Variants in PPP2R2C observed in about 807,000 individuals in gnomAD.
PPP2R2C encodes protein phosphatase 2 regulatory subunit Bgamma.
In PPP2R2C, 10 loss-of-function variants were observed where a neutral mutation model predicts 45.3. That is an observed-to-expected ratio of 0.22 (90% CI 0.14 to 0.37). The LOEUF (loss-of-function observed/expected upper bound fraction) is 0.37. PPP2R2C is among the 10% of genes least tolerant of loss of function. The pLI, the probability that PPP2R2C is intolerant of heterozygous loss-of-function variation, is 1.00. For missense variants in PPP2R2C, 308 were observed against 619.7 expected (o/e 0.50, Z 5.34); for synonymous variants, 257 against 245.4 (o/e 1.05, Z -0.44).
intron 5 of PPP2R2C, among the ~76,000 whole-genome samples, chr4:6,366,460 C>G (rs777898928): frequency 3.3e-5 from 5 of 152,200 alleles, no homozygotes; most frequent in Admixed American, 2.6e-4. Flanking sequence ...TCGCCAAGTC[C>G]TATGTGGAGC....
At chr4:6,420,883 T>C (rs1416559626) in intron 1 of PPP2R2C, 2 of 950,738 alleles carry the variant, frequency 2.1e-6, no homozygotes, top group East Asian at 1.1e-4. Flanking sequence ...TGGATGTTAC[T>C]GATGGGATGT....
intron 1 of PPP2R2C, chr4:6,383,557 T>C: frequency 1.5e-6 from 1 of 665,380 alleles, no homozygotes; most frequent in Non-Finnish European, 2.2e-6. Context: ...GCATGGCTCC[T>C]TCCTATTCTT....
intron 1 of PPP2R2C, among the ~76,000 whole-genome samples, chr4:6,408,509 C>T (rs1434508653): frequency 2.6e-5 from 4 of 152,126 alleles, no homozygotes; most frequent in Non-Finnish European, 4.4e-5. Context: ...CCTGGGCCAT[C>T]GTGAGCAGTA....
chr4:6,395,727 C>T (rs754282730), intron 1 of PPP2R2C, among the ~76,000 whole-genome samples: 3 of 152,214 alleles, frequency 2.0e-5, no homozygotes, highest in Non-Finnish European at 4.4e-5. Flanking sequence ...GCTGGCAGCT[C>T]AGCCTCCAGA....
intron 1 of PPP2R2C, among the ~76,000 whole-genome samples, chr4:6,437,932 T>C (rs1196302739): frequency 1.3e-5 from 2 of 152,206 alleles, no homozygotes; most frequent in Non-Finnish European, 1.5e-5. Flanking sequence ...GATAGAAATA[T>C]ATTAGCTTGT....
At chr4:6,472,027 G>A (rs1721922361) in intron 1 of PPP2R2C, 133 bp downstream of exon 1, 2 of 1,124,996 alleles carry the variant, frequency 1.8e-6, no homozygotes, top group Non-Finnish European at 2.5e-6. Flanking sequence ...GGGTGGGGTG[G>A]GATGGGGTGG....
At chr4:6,426,007 T>C (rs1340903776) in intron 1 of PPP2R2C, among the ~76,000 whole-genome samples, 1 of 152,154 alleles carries the variant, frequency 6.6e-6, no homozygotes, top group East Asian at 1.9e-4. Flanking sequence ...AGCCTGTTCC[T>C]GGGTACAGGC....
At chr4:6,436,192 A>G (rs920689358) in intron 1 of PPP2R2C, among the ~76,000 whole-genome samples, 4 of 152,232 alleles carry the variant, frequency 2.6e-5, no homozygotes, top group Non-Finnish European at 4.4e-5. Context: ...TGTGAGAGAT[A>G]AAAGTATGCT....
chr4:6,448,406 T>C (rs1720546333), intron 1 of PPP2R2C, among the ~76,000 whole-genome samples: 1 of 152,078 alleles, frequency 6.6e-6, no homozygotes, highest in Non-Finnish European at 1.5e-5. Context: ...ACACTTGTCC[T>C]CAGCCCACTT....
At chr4:6,469,924 C>G (rs1488914325) in intron 1 of PPP2R2C, among the ~76,000 whole-genome samples, 1 of 152,242 alleles carries the variant, frequency 6.6e-6, no homozygotes, top group Non-Finnish European at 1.5e-5. Flanking sequence ...CACACTGGCA[C>G]TCGGTCTGGA....
intron 1 of PPP2R2C, among the ~76,000 whole-genome samples, chr4:6,392,319 G>A (rs1336076932): frequency 1.3e-5 from 2 of 151,990 alleles, no homozygotes; most frequent in Non-Finnish European, 2.9e-5. Flanking sequence ...ACACTCCCCA[G>A]AGAAAGCCCA....
chr4:6,446,379 C>T (rs112360533), intron 1 of PPP2R2C, among the ~76,000 whole-genome samples: 2,103 of 152,236 alleles, frequency 0.014, 47 homozygotes, highest in African/African-American at 0.047. Flanking sequence ...CATTTTAACT[C>T]CTGTATGGTT....
intron 1 of PPP2R2C, chr4:6,381,306 A>G (rs2109313924): frequency 1.3e-6 from 2 of 1,524,702 alleles, no homozygotes; most frequent in Non-Finnish European, 1.8e-6. Flanking sequence ...CACTGGCTGC[A>G]GGGCAGAGAT....
At chr4:6,483,953 C>T (rs778564019) in intron 2 of PPP2R2C, among the ~76,000 whole-genome samples, 2 of 152,058 alleles carry the variant, frequency 1.3e-5, no homozygotes, top group Non-Finnish European at 2.9e-5. Context: ...CAAAGTTTTA[C>T]TAAAATACAG....
At chr4:6,341,051 A>G (rs1733402740) in intron 6 of PPP2R2C, among the ~76,000 whole-genome samples, 1 of 152,062 alleles carries the variant, frequency 6.6e-6, no homozygotes, top group African/African-American at 2.4e-5. Flanking sequence ...TTTTAAATGA[A>G]CCCACTCAGG....
intron 1 of PPP2R2C, among the ~76,000 whole-genome samples, chr4:6,541,799 G>T (rs1724810849): frequency 6.6e-6 from 1 of 152,152 alleles, no homozygotes; most frequent in Non-Finnish European, 1.5e-5. Context: ...CAAAGGGCTG[G>T]GATTACAGGT....
intron 1 of PPP2R2C, among the ~76,000 whole-genome samples, chr4:6,410,842 TTTATTTATTTATTTA>T (rs1157854611): frequency 0.033 from 253 of 7,644 alleles, 4 homozygotes; most frequent in Admixed American, 0.052. Context: ...TTCCCCCTGT[TTTATTTATTTATTTA>T]TTTATTTATT....
At chr4:6,363,452 A>C (rs1230831950) in intron 5 of PPP2R2C, among the ~76,000 whole-genome samples, 1 of 151,854 alleles carries the variant, frequency 6.6e-6, no homozygotes, top group East Asian at 1.9e-4. Context: ...GGTGGCGGGC[A>C]CCTGTAGCCC....
chr4:6,548,199 C>A (rs1041536306), intron 1 of PPP2R2C, among the ~76,000 whole-genome samples: 2 of 152,116 alleles, frequency 1.3e-5, no homozygotes, highest in East Asian at 1.9e-4. Flanking sequence ...GCCGGGGCAA[C>A]AGAGTGAGAC....
Sources: gnomAD v4.1 joint callset for allele counts (sites outside exome capture counted in the v4.1 genomes callset) on GRCh38, gnomAD v4.1.1 for gene constraint, MANE v1.5 for transcripts, NCBI Gene and HGNC (gene_info 2026-07-23, HGNC 2026-07-21) for gene names.